The following RAB38 variants were observed in gnomAD, a reference collection of about 807,000 sequenced individuals.
The protein encoded by RAB38 is ras-related protein Rab-38.
Under a neutral mutation model 18.4 loss-of-function variants are expected in RAB38, and 15 were observed. The ratio of observed to expected loss-of-function variants is 0.82; its 90% CI spans 0.55 to 1.26. RAB38 has a LOEUF of 1.26. RAB38 is among the 50% of genes most tolerant of loss of function. The probability of loss-of-function intolerance (pLI) is 0.00; values close to 1 mark genes in which losing one functional copy is unlikely to be tolerated. For missense variants in RAB38, 294 were observed against 267.4 expected, an observed-to-expected ratio of 1.10 and a Z score of -0.69; for synonymous variants, 101 against 104.4, an observed-to-expected ratio of 0.97 and a Z score of 0.20.
At chr11:88,140,837 T>C (rs964901136) in intron 2 of RAB38, among the ~76,000 whole-genome samples, 5 of 152,200 alleles carry the variant, frequency 3.3e-5, no homozygotes, top group Non-Finnish European at 5.9e-5. Flanking sequence ...CCTGGTTATA[T>C]GGTGTCCAGC....
chr11:87,975,784 C>A, the RAB38 span, among the ~76,000 whole-genome samples: 1 of 151,194 alleles, frequency 6.6e-6, no homozygotes, highest in Non-Finnish European at 1.5e-5. Context: ...AGAGGTATAA[C>A]AAAAAAGCCA....
the RAB38 span, among the ~76,000 whole-genome samples, chr11:88,060,714 T>G: frequency 6.6e-6 from 1 of 152,162 alleles, no homozygotes; most frequent in Non-Finnish European, 1.5e-5. Context: ...TTTAGCAGCA[T>G]CCCTGACTTA....
the RAB38 span, among the ~76,000 whole-genome samples, chr11:87,828,316 T>G: frequency 6.6e-6 from 1 of 152,180 alleles, no homozygotes; most frequent in African/African-American, 2.4e-5. Flanking sequence ...GCCTTGTTCC[T>G]TCAACATTAA....
the RAB38 span, among the ~76,000 whole-genome samples, chr11:88,028,933 T>A: frequency 6.6e-6 from 1 of 152,122 alleles, no homozygotes; most frequent in African/African-American, 2.4e-5. Flanking sequence ...ATTGTCAGAT[T>A]CGCCAAAGTT....
At chr11:88,068,174 G>A in the RAB38 span, among the ~76,000 whole-genome samples, 372 of 151,988 alleles carry the variant, frequency 2.4e-3, 1 homozygote, top group African/African-American at 8.4e-3. Context: ...AAACATGCAT[G>A]GTGTGAATCA....
chr11:87,929,888 A>G, the RAB38 span, among the ~76,000 whole-genome samples: 1 of 152,118 alleles, frequency 6.6e-6, no homozygotes, highest in Non-Finnish European at 1.5e-5. Context: ...TACAAAGGAC[A>G]TGAACTCATC....
At chr11:87,886,829 T>TC in the RAB38 span, among the ~76,000 whole-genome samples, 5 of 151,432 alleles carry the variant, frequency 3.3e-5, no homozygotes, top group African/African-American at 1.2e-4. Context: ...CACTTGTTTT[T>TC]TTTTTTTTTT....
the RAB38 span, among the ~76,000 whole-genome samples, chr11:87,843,617 A>G: frequency 1.3e-5 from 2 of 152,220 alleles, no homozygotes; most frequent in African/African-American, 4.8e-5. Context: ...TCAGCTCCAT[A>G]GCTTACTTAT....
the RAB38 span, among the ~76,000 whole-genome samples, chr11:87,834,584 A>G: frequency 6.6e-6 from 1 of 152,176 alleles, no homozygotes; most frequent in Admixed American, 6.6e-5. Context: ...AGAAACTTGG[A>G]TGTCATTATT....
the RAB38 span, among the ~76,000 whole-genome samples, chr11:88,028,318 G>C: frequency 1.3e-5 from 2 of 152,198 alleles, no homozygotes; most frequent in East Asian, 3.8e-4. Context: ...AAAAAGCAGA[G>C]CGCCTCTCCT....
At chr11:88,044,938 A>T in the RAB38 span, among the ~76,000 whole-genome samples, 13 of 152,044 alleles carry the variant, frequency 8.6e-5, no homozygotes, top group African/African-American at 3.1e-4. Flanking sequence ...TTACAGTTTC[A>T]TTCTGCGACT....
chr11:87,805,713 A>G, the RAB38 span, among the ~76,000 whole-genome samples: 5 of 133,078 alleles, frequency 3.8e-5, no homozygotes, highest in Admixed American at 1.5e-4. Flanking sequence ...ATATATGTGT[A>G]TACACACACA....
the RAB38 span, among the ~76,000 whole-genome samples, chr11:87,952,592 A>C: frequency 6.6e-6 from 1 of 152,210 alleles, no homozygotes; most frequent in South Asian, 2.1e-4. Flanking sequence ...GCTAAATGAC[A>C]CAAATGGGTT....
At chr11:88,035,866 T>G in the RAB38 span, among the ~76,000 whole-genome samples, 2 of 152,154 alleles carry the variant, frequency 1.3e-5, no homozygotes. Context: ...ATGCCCTTTT[T>G]TTTTTCTTTT....
chr11:87,929,709 C>A, the RAB38 span, among the ~76,000 whole-genome samples: 516 of 138,974 alleles, frequency 3.7e-3, 1 homozygote, highest in Non-Finnish European at 6.7e-3. Flanking sequence ...TGCTATCCTT[C>A]CCCCCTCCCC....
At chr11:87,861,550 T>C in the RAB38 span, among the ~76,000 whole-genome samples, 1 of 151,868 alleles carries the variant, frequency 6.6e-6, no homozygotes, top group East Asian at 1.9e-4. Flanking sequence ...GCAACAGTTT[T>C]TTGAGATGCT....
chr11:87,878,266 C>T, the RAB38 span, among the ~76,000 whole-genome samples: 2 of 123,264 alleles, frequency 1.6e-5, no homozygotes, highest in Non-Finnish European at 3.5e-5. Flanking sequence ...ATCTATCTAT[C>T]TATCTATCTA....
At chr11:87,969,627 C>G in the RAB38 span, among the ~76,000 whole-genome samples, 3 of 151,976 alleles carry the variant, frequency 2.0e-5, no homozygotes, top group African/African-American at 7.2e-5. Context: ...GATCAAGGAG[C>G]CTGGAAATAG....
chr11:88,155,643 G>C (rs1369820161), intron 1 of RAB38, among the ~76,000 whole-genome samples: 2 of 152,178 alleles, frequency 1.3e-5, no homozygotes, highest in Non-Finnish European at 2.9e-5. Context: ...TGAATGCAGT[G>C]ACACCATCAA....
Sources: allele counts gnomAD v4.1 joint callset (sites outside exome capture counted in the v4.1 genomes callset), GRCh38; gene constraint gnomAD v4.1.1; transcripts MANE v1.5; gene names NCBI Gene and HGNC (gene_info 2026-07-23, HGNC 2026-07-21).